The following FHIT variants were observed in gnomAD, a reference collection of about 807,000 sequenced individuals.
FHIT encodes bis(5'-adenosyl)-triphosphatase.
A neutral mutation model predicts 17.9 loss-of-function variants in FHIT; 19 were observed. The observed-to-expected ratio is 1.06, with a 90% CI of 0.74 to 1.56. The LOEUF is 1.56. Ranked by LOEUF, FHIT falls within the 40% of genes most tolerant of loss-of-function variation. The pLI is 0.00. For missense variants in FHIT, 248 were observed against 189.2 expected (o/e 1.31, Z -1.82); for synonymous variants, 81 against 69.7 (o/e 1.16, Z -0.81).
At chr3:60,291,407 A>T (rs77711050) in intron 5 of FHIT, among the ~76,000 whole-genome samples, 1 of 151,966 alleles carries the variant, frequency 6.6e-6, no homozygotes, top group Non-Finnish European at 1.5e-5. Context: ...CACGTCCTCT[A>T]TCTGAGCTGT....
At chr3:60,562,783 G>C (rs1451368790) in intron 4 of FHIT, among the ~76,000 whole-genome samples, 1 of 152,156 alleles carries the variant, frequency 6.6e-6, no homozygotes, top group African/African-American at 2.4e-5. Context: ...TAGCCACCTT[G>C]AGTAAGACCT....
intron 3 of FHIT, among the ~76,000 whole-genome samples, chr3:60,828,499 C>G (rs1553741614): frequency 6.6e-6 from 1 of 152,060 alleles, no homozygotes; most frequent in African/African-American, 2.4e-5. Context: ...GTGATCTAAT[C>G]CTCCTGGAAG....
At chr3:60,308,439 G>A (rs960974751) in intron 5 of FHIT, among the ~76,000 whole-genome samples, 3 of 150,726 alleles carry the variant, frequency 2.0e-5, no homozygotes. Flanking sequence ...CATCCTTTCT[G>A]TATCTAACCC....
chr3:60,592,190 C>A (rs572558137), intron 4 of FHIT, among the ~76,000 whole-genome samples: 3 of 146,814 alleles, frequency 2.0e-5, no homozygotes, highest in African/African-American at 2.5e-5. Context: ...TATTATCTCT[C>A]TATATATTCT....
chr3:59,793,619 T>G (rs574892483), intron 8 of FHIT, among the ~76,000 whole-genome samples: 10 of 152,276 alleles, frequency 6.6e-5, no homozygotes, highest in African/African-American at 2.4e-4. Flanking sequence ...CAATGAAAAT[T>G]TCCTTCCAAG....
intron 5 of FHIT, among the ~76,000 whole-genome samples, chr3:60,226,159 A>T (rs1704189086): frequency 6.6e-6 from 1 of 152,044 alleles, no homozygotes; most frequent in South Asian, 2.1e-4. Context: ...TGTACAACAG[A>T]GCTGTCTTCT....
chr3:60,848,331 C>T (rs1055567230), intron 3 of FHIT, among the ~76,000 whole-genome samples: 2 of 152,080 alleles, frequency 1.3e-5, no homozygotes, highest in African/African-American at 4.8e-5. Context: ...TCAAATTGTA[C>T]TTTTTAAGAT....
intron 2 of FHIT, among the ~76,000 whole-genome samples, chr3:61,086,880 A>G (rs949292396): frequency 6.6e-6 from 1 of 152,132 alleles, no homozygotes; most frequent in Non-Finnish European, 1.5e-5. Flanking sequence ...ACTATGTCCT[A>G]TAAGATTCTA....
At chr3:60,633,868 G>A (rs577141173) in intron 4 of FHIT, among the ~76,000 whole-genome samples, 5 of 152,320 alleles carry the variant, frequency 3.3e-5, no homozygotes, top group African/African-American at 1.2e-4. Context: ...CAGCTGCCAG[G>A]GAAAGGTTTC....
At chr3:60,566,060 G>C (rs541086646) in intron 4 of FHIT, among the ~76,000 whole-genome samples, 1 of 152,268 alleles carries the variant, frequency 6.6e-6, no homozygotes, top group Admixed American at 6.5e-5. Context: ...TTTCCATGTA[G>C]TTGAGTGGTT....
intron 4 of FHIT, among the ~76,000 whole-genome samples, chr3:60,750,573 C>A (rs1445847685): frequency 2.6e-5 from 4 of 152,098 alleles, no homozygotes; most frequent in African/African-American, 9.7e-5. Context: ...TTGCCTGCTG[C>A]CCTCCATGTA....
intron 1 of FHIT, among the ~76,000 whole-genome samples, chr3:61,225,154 T>C (rs1341350646): frequency 6.6e-6 from 1 of 152,192 alleles, no homozygotes; most frequent in African/African-American, 2.4e-5. Context: ...CATGAAGGAA[T>C]TGATTCCTTT....
chr3:60,313,711 G>T (rs990565236), intron 5 of FHIT, among the ~76,000 whole-genome samples: 1 of 135,788 alleles, frequency 7.4e-6, no homozygotes, highest in Non-Finnish European at 1.6e-5. Flanking sequence ...AGGCTTCCCG[G>T]GGGGAGCAAA....
intron 3 of FHIT, among the ~76,000 whole-genome samples, chr3:60,999,478 A>G (rs2030912222): frequency 6.6e-6 from 1 of 150,470 alleles, no homozygotes; most frequent in Admixed American, 6.7e-5. Flanking sequence ...TAGGATTACT[A>G]TCTAGTATGG....
chr3:60,917,149 C>T (rs782413653), intron 3 of FHIT, among the ~76,000 whole-genome samples: 8 of 152,222 alleles, frequency 5.3e-5, no homozygotes, highest in Non-Finnish European at 8.8e-5. Context: ...TAAGGCTTAA[C>T]AGAATTGTAA....
At chr3:60,020,531 G>C (rs1296318503) in intron 5 of FHIT, among the ~76,000 whole-genome samples, 1 of 152,172 alleles carries the variant, frequency 6.6e-6, no homozygotes, top group Non-Finnish European at 1.5e-5. Flanking sequence ...GGCAGTATCA[G>C]ATAATACAAC....
intron 7 of FHIT, among the ~76,000 whole-genome samples, chr3:59,948,552 A>T (rs1324414696): frequency 6.6e-6 from 1 of 151,738 alleles, no homozygotes; most frequent in Admixed American, 6.6e-5. Flanking sequence ...AATAAATAAA[A>T]AATAAATAAA....
rs186706845 is a variant in FHIT at position 59,866,925 on chromosome 3, C to G, written c.348+55421G>C. Reference sequence around the variant, plus strand: ...GTTTTATGTCACCGCTGCTCGGCTTCTTTTTGTGCTTTGATTACCTATTCT... The same window carrying G: ...GTTTTATGTCACCGCTGCTCGGCTTGTTTTTGTGCTTTGATTACCTATTCT... On this transcript the variant is annotated intron_variant, in intron 8 of 9. Transcript: ENST00000492590. Among the ~76,000 whole-genome samples, 46 of 151,976 alleles carry G rather than the reference C, an allele frequency of 3.0e-4. 1 individual carries two copies. The East Asian group carries it at 7.5e-3, about 25-fold the overall frequency.
intron 5 of FHIT, among the ~76,000 whole-genome samples, chr3:60,393,587 T>C (rs1224864516): frequency 2.0e-5 from 3 of 152,182 alleles, no homozygotes; most frequent in Admixed American, 6.5e-5. Context: ...AGTCCTTCCA[T>C]TGAAGAATGT....
Sources: allele counts gnomAD v4.1 joint callset (sites outside exome capture counted in the v4.1 genomes callset), GRCh38; gene constraint gnomAD v4.1.1; transcripts MANE v1.5; gene names NCBI Gene and HGNC (gene_info 2026-07-23, HGNC 2026-07-21).